Variants in PGRMC1 observed in about 807,000 individuals in gnomAD.
PGRMC1 encodes the protein progesterone receptor membrane component 1, also known as membrane-associated progesterone receptor component 1.
For synonymous variants in PGRMC1, 73 were observed against 77.3 expected, an observed-to-expected ratio of 0.94 and a Z score of 0.29; for missense variants, 145 against 169.0, an observed-to-expected ratio of 0.86 and a Z score of 0.79.
intron 1 of PGRMC1, 77 bp downstream of exon 1, chrX:119,236,768 C>T (rs943987217): frequency 1.1e-6 from 1 of 878,552 alleles, no homozygotes; most frequent in Non-Finnish European, 1.6e-6. Flanking sequence ...AGAGGCGAGG[C>T]GGGAGCGGGG....
chrX:119,236,881 C>T (rs1217007325), intron 1 of PGRMC1, among the ~76,000 whole-genome samples, 190 bp downstream of exon 1: 2 of 112,103 alleles, frequency 1.8e-5, no homozygotes, highest in African/African-American at 6.5e-5. Context: ...ACAAGAGGCG[C>T]TCTAGAGGGG....
At chrX:119,241,062 C>T (rs1039250843) in intron 2 of PGRMC1, among the ~76,000 whole-genome samples, 6 of 112,035 alleles carry the variant, frequency 5.4e-5, no homozygotes, top group Non-Finnish European at 9.4e-5. Flanking sequence ...GGGTTAAGTT[C>T]AGATTTTGAG....
Position 119,243,238 on chromosome X carries a change from C to T in PGRMC1, c.572C>T (p.Ala191Val), listed in dbSNP as rs1930861231. The T allele has an allele frequency of 1.7e-6, 2 of 1,179,654 alleles. No homozygotes were observed. The highest frequency in any genetic ancestry group is 4.4e-5 in the Admixed American group (2 of 45,785). Residue 191 changes from alanine (A) to valine (V), a missense_variant, in exon 3 of 3, where the codon GCC (alanine) becomes GTC (valine). Physicochemically the swap from Ala to Val is moderately conservative, Grantham distance 64. Coordinates refer to ENST00000217971, the MANE Select transcript of PGRMC1 (RefSeq NM_006667.5). ...SDEEEPKDES[A>V]RKND ...GAGGAAGAACCAAAAGATGAGAGTG[C>T]CCGGAAAAATGATTAAAGCATTCAG... is the stretch of plus-strand genomic sequence containing the variant.
chrX:119,236,541 G>T lies in PGRMC1; in HGVS notation c.178G>T (p.Asp60Tyr). 8.3e-7 allele frequency: 1 copy of T among 1,208,634 alleles called. No individual in the cohort carries two copies. The highest frequency in any genetic ancestry group is 1.1e-6 in the Non-Finnish European group (1 of 894,137). ...GGCGGCCAGCGGCGACAGCGACGAC[G>T]ACGAGCCGCCCCCTCTGCCCCGCCT... is the stretch of plus-strand genomic sequence containing the variant. ...QPAASGDSDD[D>Y]EPPPLPRLKR... is the part of the protein sequence containing the mutation. The change falls in exon 1 of 3, where the codon GAC becomes TAC. Residue 60 changes from aspartate to tyrosine, a missense_variant. Asp to Tyr is a radical substitution (Grantham distance 160). Coordinates refer to ENST00000217971, the MANE Select transcript of PGRMC1 (RefSeq NM_006667.5).
At chrX:119,237,352 A>T (rs1930724732) in intron 1 of PGRMC1, among the ~76,000 whole-genome samples, 1 of 108,884 alleles carries the variant, frequency 9.2e-6, no homozygotes, top group Non-Finnish European at 1.9e-5. Context: ...TATGTGATTT[A>T]TCAGGGGTGT....
intron 1 of PGRMC1, 42 bp downstream of exon 1, chrX:119,236,733 G>A (rs920034663): frequency 4.7e-6 from 5 of 1,065,800 alleles, no homozygotes; most frequent in Non-Finnish European, 6.3e-6. Flanking sequence ...AAAGAAGGGG[G>A]CCCCGGCACG....
In PGRMC1 at chrX:119,240,460, C is replaced by T; in HGVS notation, c.480C>T (p.Phe160=). The change falls in exon 2 of 3, where the codon TTC becomes TTT. Residue 160 remains phenylalanine (F), a synonymous_variant. Coordinates refer to ENST00000217971, the MANE Select transcript of PGRMC1 (RefSeq NM_006667.5). ...CTCTGAGTGACTGGGAGTCTCAGTT[C>T]ACTTGTAAGCATTTTTAAAATTGTG... is the stretch of plus-strand genomic sequence containing the variant. The part of the protein sequence containing the change: ...QETLSDWESQ[F]TFKYHHVGKL... 1 of 1,200,660 alleles carries T rather than the reference C, an allele frequency of 8.3e-7. No individual in the cohort carries two copies. Among genetic ancestry groups the T allele is most frequent in the Non-Finnish European group, 1.1e-6 (1 of 885,745 alleles).
intron 2 of PGRMC1, among the ~76,000 whole-genome samples, chrX:119,242,262 A>G (rs1930836169): frequency 9.4e-6 from 1 of 106,234 alleles, no homozygotes; most frequent in Admixed American, 1.0e-4. Flanking sequence ...TCCATGTTTT[A>G]GATCTCCTGT....
In PGRMC1 at chrX:119,244,124, G is replaced by A. The variant is rs1930889435; in HGVS notation, c.*870G>A. On this transcript the variant is annotated 3_prime_UTR_variant, in exon 3 of 3. Transcript: ENST00000217971. ...CCTAAGAGCCTTCATGCACACCCCTGAACCACGAGGAAACAGTACAGTCGC... is the reference window on the plus strand; with the variant it reads ...CCTAAGAGCCTTCATGCACACCCCTAAACCACGAGGAAACAGTACAGTCGC... 1 of 112,065 alleles carries A rather than the reference G, an allele frequency of 8.9e-6. No homozygotes were observed. The highest frequency in any genetic ancestry group is 3.7e-4 in the South Asian group (1 of 2,707). The allele number at this position is 112,065 out of a possible 1,213,427, so 9.2% of individuals were successfully genotyped here. A position where few individuals can be genotyped will look rare whatever the true frequency, so the allele number is the denominator to read the frequency against.
intron 1 of PGRMC1, among the ~76,000 whole-genome samples, chrX:119,236,925 C>A (rs948004196): frequency 8.9e-6 from 1 of 112,009 alleles, no homozygotes; most frequent in Non-Finnish European, 1.9e-5. Context: ...ATCCCCGGCC[C>A]GCGCTGACAG....
Position 119,243,920 on chromosome X carries a change from G to T in PGRMC1, c.*666G>T, listed in dbSNP as rs1369016530. ...ATAGGATCTGAACATTCAAAAGAAA[G>T]CTTTGGAAAAAAAGAGCTGGCTGGC... On this transcript the variant is annotated 3_prime_UTR_variant, in exon 3 of 3. Coordinates refer to ENST00000217971, the MANE Select transcript of PGRMC1 (RefSeq NM_006667.5). 8.9e-6 allele frequency: 1 copy of T among 112,164 alleles called. No homozygotes were observed. The highest frequency in any genetic ancestry group is 1.9e-5 in the Non-Finnish European group (1 of 53,261). 9.2% of individuals were successfully genotyped at this position (112,164 alleles called of 1,213,427 possible).
At position 119,243,312 on chromosome X, in the gene PGRMC1, A is replaced by T; in HGVS notation, c.*58A>T. On this transcript the variant is annotated 3_prime_UTR_variant, in exon 3 of 3. Transcript: ENST00000217971. ...TTTGCAAAATCATTTGTAACAGTCCACTCTGTCTTTAAAACATAGTGATTA... is the reference window on the plus strand; with the variant it reads ...TTTGCAAAATCATTTGTAACAGTCCTCTCTGTCTTTAAAACATAGTGATTA... The T allele has an allele frequency of 1.4e-6, 1 of 696,517 alleles. No individual in the cohort carries two copies. Among genetic ancestry groups the T allele is most frequent in the Non-Finnish European group, 2.3e-6 (1 of 430,942 alleles). The allele number at this position is 696,517 out of a possible 1,213,427, so 57.4% of individuals were successfully genotyped here.
At position 119,243,185 on chromosome X, in the gene PGRMC1, G is replaced by T. The variant is rs767572123; in HGVS notation, c.519G>T (p.Glu173Asp). The T allele has an allele frequency of 1.7e-6, 2 of 1,206,022 alleles. No individual in the cohort carries two copies. The highest frequency in any genetic ancestry group is 2.2e-6 in the Non-Finnish European group (2 of 889,961). The part of the protein sequence containing the change: ...KYHHVGKLLK[E>D]GEEPTVYSDE... ...ATCACGTGGGCAAACTGCTGAAGGAGGGGGAGGAGCCCACTGTGTACTCAG... is the reference window on the plus strand; with the variant it reads ...ATCACGTGGGCAAACTGCTGAAGGATGGGGAGGAGCCCACTGTGTACTCAG... Residue 173 changes from glutamate to aspartate, a missense_variant, in exon 3 of 3, where the codon GAG becomes GAT. Transcript: ENST00000217971.
chrX:119,238,794 G>A (rs930392210), intron 1 of PGRMC1, among the ~76,000 whole-genome samples: 7 of 112,183 alleles, frequency 6.2e-5, no homozygotes, highest in Non-Finnish European at 1.3e-4. Context: ...GGTAGAAAGT[G>A]ATGCTTCATG....
chrX:119,236,298 G>A lies in PGRMC1; in HGVS notation c.-66G>A. On this transcript the variant is annotated 5_prime_UTR_variant, in exon 1 of 3. Coordinates refer to ENST00000217971, the MANE Select transcript of PGRMC1 (RefSeq NM_006667.5). ...ACCCCGCGCGCCACTCGCTCGCTCAGAGGGAGGAGAAAGTGGCGAGTTCCG... is the reference window on the plus strand; with the variant it reads ...ACCCCGCGCGCCACTCGCTCGCTCAAAGGGAGGAGAAAGTGGCGAGTTCCG... 2 of 1,042,983 alleles carry A rather than the reference G, an allele frequency of 1.9e-6. No homozygotes were observed. The highest frequency in any genetic ancestry group is 2.7e-6 in the Non-Finnish European group (2 of 751,584). The allele number at this position is 1,042,983 out of a possible 1,213,427, so 86.0% of individuals were successfully genotyped here. A position where few individuals can be genotyped will look rare whatever the true frequency, so the allele number is the denominator to read the frequency against.
Position 119,236,628 on chromosome X carries a change from A to G in PGRMC1, c.265A>G (p.Ile89Val), listed in dbSNP as rs760260698. The change falls in exon 1 of 3, where the codon ATA becomes GTA. Residue 89 changes from isoleucine (I) to valine (V), a missense_variant. Coordinates refer to ENST00000217971, the MANE Select transcript of PGRMC1 (RefSeq NM_006667.5). ...CTTCGACGGCGTCCAGGACCCGCGC[A>G]TACTCATGGCCATCAACGGCAAGGT... ...RRFDGVQDPRILMAINGKVFD... is the reference protein window; with the variant it reads ...RRFDGVQDPRVLMAINGKVFD... The G allele has an allele frequency of 7.5e-6, 9 of 1,206,043 alleles. No homozygotes were observed. The highest frequency in any genetic ancestry group is 4.4e-5 in the Admixed American group (2 of 45,635).
chrX:119,240,278 A>G, intron 1 of PGRMC1, 31 bp from the exon 2 acceptor site: 3 of 1,200,767 alleles, frequency 2.5e-6, no homozygotes, highest in Non-Finnish European at 1.1e-6. Flanking sequence ...ACTGTCTAAT[A>G]AAGAATTGAT....
rs770538864 is a variant in PGRMC1, at chrX:119,240,409, T to C, written c.429T>C (p.Ser143=). The C allele has an allele frequency of 1.5e-5, 18 of 1,207,778 alleles. No homozygotes were observed. Among genetic ancestry groups the C allele is most frequent in the Non-Finnish European group, 2.0e-5 (18 of 891,728 alleles). The change falls in exon 2 of 3, where the codon TCT becomes TCC. Residue 143 remains serine (S), a synonymous_variant. Transcript: ENST00000217971. The part of the protein sequence containing the change: ...EALKDEYDDL[S]DLTAAQQETL... ...TGAAGGATGAGTACGATGACCTTTC[T>C]GACCTCACTGCTGCCCAGCAGGAGA...
chrX:119,243,797 A>G lies in PGRMC1; in HGVS notation c.*543A>G, dbSNP rs1048678356. 1.6e-5 allele frequency: 2 copies of G among 124,084 alleles called. No individual in the cohort carries two copies. The highest frequency in any genetic ancestry group is 6.5e-5 in the African/African-American group (2 of 30,980). 10.2% of individuals were successfully genotyped at this position (124,084 alleles called of 1,213,427 possible). A position where few individuals can be genotyped will look rare whatever the true frequency, so the allele number is the denominator to read the frequency against. On this transcript the variant is annotated 3_prime_UTR_variant, in exon 3 of 3. Transcript: ENST00000217971. ...TCAAAACAGAGCTCAGCTGCAAAAAAGCATATTTTCTGTGTTTCTGGACTG... is the reference window on the plus strand; with the variant it reads ...TCAAAACAGAGCTCAGCTGCAAAAAGGCATATTTTCTGTGTTTCTGGACTG...
Sources: allele counts gnomAD v4.1 joint callset (sites outside exome capture counted in the v4.1 genomes callset), GRCh38; gene constraint gnomAD v4.1.1; transcripts MANE v1.5; gene names NCBI Gene and HGNC (gene_info 2026-07-23, HGNC 2026-07-21).